ZBTB20: variants seen among roughly 807,000 people sequenced by gnomAD.
The protein encoded by ZBTB20 is zinc finger and BTB domain containing 20.
Under a neutral mutation model 56.9 loss-of-function variants are expected in ZBTB20, and 9 were observed. The observed-to-expected ratio is 0.16, with a 90% CI of 0.10 to 0.28. ZBTB20 has a LOEUF of 0.28. Among genes scored for constraint, ZBTB20 ranks in the 10% least tolerant of loss-of-function variants. The probability of loss-of-function intolerance (pLI) is 1.00; values close to 1 mark genes in which losing one functional copy is unlikely to be tolerated. For missense variants in ZBTB20, 655 were observed against 1,003.0 expected (o/e 0.65, Z 4.69); for synonymous variants, 417 against 420.7 (o/e 0.99, Z 0.11).
intron 1 of ZBTB20, among the ~76,000 whole-genome samples, chr3:115,088,971 T>G (rs1312145840): frequency 6.6e-6 from 1 of 151,898 alleles, no homozygotes; most frequent in African/African-American, 2.4e-5. Context: ...GATTATTCAC[T>G]TCAACTGATT....
intron 5 of ZBTB20, among the ~76,000 whole-genome samples, chr3:114,731,784 T>C (rs908913893): frequency 3.3e-5 from 5 of 150,042 alleles, no homozygotes; most frequent in East Asian, 1.9e-4. Flanking sequence ...TAGTAACTAA[T>C]CCGGCTGTGC....
chr3:115,036,803 C>T (rs1303823347), intron 2 of ZBTB20, among the ~76,000 whole-genome samples: 1 of 152,114 alleles, frequency 6.6e-6, no homozygotes, highest in African/African-American at 2.4e-5. Context: ...GAAGAGATAG[C>T]ATTAACCTTT....
At chr3:114,493,133 T>A (rs1468267105) in intron 7 of ZBTB20, among the ~76,000 whole-genome samples, 1 of 152,238 alleles carries the variant, frequency 6.6e-6, no homozygotes, top group Non-Finnish European at 1.5e-5. Context: ...TAACAGTACA[T>A]CATCTTGAGA....
At chr3:115,136,070 C>T (rs1225407412) in intron 1 of ZBTB20, among the ~76,000 whole-genome samples, 2 of 152,066 alleles carry the variant, frequency 1.3e-5, no homozygotes, top group Non-Finnish European at 2.9e-5. Flanking sequence ...CTCTATTCAA[C>T]ACAATATCCT....
At chr3:114,469,611 T>C (rs1017589635) in intron 7 of ZBTB20, among the ~76,000 whole-genome samples, 19 of 152,290 alleles carry the variant, frequency 1.2e-4, no homozygotes, top group African/African-American at 4.6e-4. Flanking sequence ...CTTAACAGAT[T>C]TTGGTTTTTA....
intron 2 of ZBTB20, among the ~76,000 whole-genome samples, chr3:115,020,859 T>C (rs1441512648): frequency 1.3e-5 from 2 of 151,104 alleles, no homozygotes; most frequent in Admixed American, 1.3e-4. Flanking sequence ...AGCTTTATTA[T>C]AAATGAAAGA....
At chr3:114,890,519 C>T (rs2076766297) in intron 4 of ZBTB20, among the ~76,000 whole-genome samples, 1 of 152,126 alleles carries the variant, frequency 6.6e-6, no homozygotes, top group Non-Finnish European at 1.5e-5. Context: ...CCAAATACCG[C>T]ATGTTCTCAC....
intron 5 of ZBTB20, chr3:114,759,385 G>A (rs906313425): frequency 9.9e-5 from 15 of 152,162 alleles, no homozygotes; most frequent in Admixed American, 6.6e-5. Context: ...TTACAATATA[G>A]AGGACATCTC....
At chr3:114,667,935 T>C (rs1010774846) in intron 6 of ZBTB20, among the ~76,000 whole-genome samples, 7 of 151,924 alleles carry the variant, frequency 4.6e-5, no homozygotes, top group Non-Finnish European at 1.0e-4. Context: ...AATCCTCAAA[T>C]GGAAATGGGG....
intron 3 of ZBTB20, among the ~76,000 whole-genome samples, chr3:114,944,933 TAA>T (rs2076835920): frequency 6.9e-6 from 1 of 145,628 alleles, no homozygotes; most frequent in Admixed American, 6.6e-5. Context: ...CTATAATTTA[TAA>T]GAGTGTATTA....
At chr3:114,816,070 ACT>A (rs1192750080) in intron 4 of ZBTB20, among the ~76,000 whole-genome samples, 2 of 152,052 alleles carry the variant, frequency 1.3e-5, no homozygotes, top group Non-Finnish European at 2.9e-5. Context: ...CTTTCTGTGA[ACT>A]CTGTCATGTA....
intron 1 of ZBTB20, among the ~76,000 whole-genome samples, chr3:115,144,000 T>G (rs1401951366): frequency 6.6e-6 from 1 of 152,196 alleles, no homozygotes; most frequent in African/African-American, 2.4e-5. Context: ...CATTAGAATG[T>G]AAGCTCCACA....
intron 6 of ZBTB20, among the ~76,000 whole-genome samples, chr3:114,692,455 A>T (rs1291686327): frequency 2.0e-5 from 3 of 152,110 alleles, no homozygotes; most frequent in African/African-American, 7.2e-5. Flanking sequence ...AACTATCTTT[A>T]TTACCCCAAG....
intron 6 of ZBTB20, among the ~76,000 whole-genome samples, chr3:114,582,573 TTC>T (rs1671426787): frequency 6.6e-6 from 1 of 152,124 alleles, no homozygotes; most frequent in African/African-American, 2.4e-5. Flanking sequence ...AGAGACAGGG[TTC>T]TGCCATGTTG....
At chr3:114,651,803 GT>G (rs1471293249) in intron 6 of ZBTB20, among the ~76,000 whole-genome samples, 9 of 152,146 alleles carry the variant, frequency 5.9e-5, no homozygotes, top group Middle Eastern at 3.4e-3. Context: ...ATCTGGGCTT[GT>G]TAATTAGATA....
intron 4 of ZBTB20, among the ~76,000 whole-genome samples, chr3:114,854,583 T>C (rs1273775092): frequency 6.6e-6 from 1 of 152,216 alleles, no homozygotes; most frequent in East Asian, 1.9e-4. Flanking sequence ...GAAAGCAGCT[T>C]TGGAGTCAGA....
chr3:115,101,498 G>GA (rs2083581284), intron 1 of ZBTB20, among the ~76,000 whole-genome samples: 1 of 152,056 alleles, frequency 6.6e-6, no homozygotes, highest in Non-Finnish European at 1.5e-5. Flanking sequence ...TCAGAAAACA[G>GA]AAATAGTTTT....
chr3:114,658,400 T>C (rs2060530814), intron 6 of ZBTB20: 1 of 152,216 alleles, frequency 6.6e-6, no homozygotes, highest in African/African-American at 2.4e-5. Context: ...TTTTTAAAAA[T>C]AGTATTGTAA....
At chr3:114,372,791 C>T (rs954751802) in intron 10 of ZBTB20, among the ~76,000 whole-genome samples, 1 of 151,998 alleles carries the variant, frequency 6.6e-6, no homozygotes, top group African/African-American at 2.4e-5. Context: ...TGGCAGTGAG[C>T]TGAGATTGCA....
Sources: gnomAD v4.1 joint callset for allele counts (sites outside exome capture counted in the v4.1 genomes callset) on GRCh38, gnomAD v4.1.1 for gene constraint, MANE v1.5 for transcripts, NCBI Gene and HGNC (gene_info 2026-07-23, HGNC 2026-07-21) for gene names.